The following SRBD1 variants were observed in gnomAD, a reference collection of about 807,000 sequenced individuals.
SRBD1 encodes the protein S1 RNA binding domain 1.
A neutral mutation model predicts 115.3 loss-of-function variants in SRBD1; 88 were observed. The ratio of observed to expected loss-of-function variants is 0.76; its 90% confidence interval spans 0.64 to 0.91. The LOEUF (loss-of-function observed/expected upper bound fraction) is 0.91. Among genes scored for constraint, SRBD1 ranks in the 40% least tolerant of loss-of-function variants. The pLI is 0.00. For synonymous variants in SRBD1, 509 were observed against 407.7 expected (o/e 1.25, Z -2.99); for missense variants, 1,385 against 1,177.4 (o/e 1.18, Z -2.58).
chr2:45,457,513 G>C (rs1191452842), intron 16 of SRBD1, among the ~76,000 whole-genome samples: 1 of 151,876 alleles, frequency 6.6e-6, no homozygotes, highest in Non-Finnish European at 1.5e-5. Context: ...AATTAAGCTA[G>C]AAGTAATCTT....
intron 16 of SRBD1, among the ~76,000 whole-genome samples, chr2:45,434,532 A>G (rs1485460513): frequency 1.3e-5 from 2 of 152,136 alleles, no homozygotes; most frequent in African/African-American, 4.8e-5. Context: ...TCCTACCTCT[A>G]AAAACAGATA....
chr2:45,413,128 A>G lies in SRBD1; in HGVS notation c.2499T>C (p.Tyr833=), dbSNP rs780459835. 2 of 1,613,836 alleles carry G rather than the reference A, an allele frequency of 1.2e-6. No homozygotes were observed. The highest frequency in any genetic ancestry group is 2.2e-5 in the South Asian group (2 of 90,994). Residue 833 remains tyrosine (Y), a synonymous_variant, in exon 19 of 21, where the codon TAT becomes TAC. Coordinates refer to ENST00000263736, the MANE Select transcript of SRBD1 (RefSeq NM_018079.5). Reference sequence around the variant, plus strand: ...CTCAGACTTACCTCATTGCTATGTCATATGATTCTGGATGAATACAAGTTT... The same window carrying G: ...CTCAGACTTACCTCATTGCTATGTCGTATGATTCTGGATGAATACAAGTTT... ...LDQTCIHPES[Y]DIAMRFLSSI... is the part of the protein sequence containing the mutation.
chr2:45,405,764 A>G (rs1256713500), intron 19 of SRBD1, among the ~76,000 whole-genome samples: 2 of 152,226 alleles, frequency 1.3e-5, no homozygotes, highest in African/African-American at 4.8e-5. Context: ...AAAAGAGACG[A>G]CTGGTCATTA....
At chr2:45,395,438 C>A (rs927064113) in intron 19 of SRBD1, among the ~76,000 whole-genome samples, 1 of 152,156 alleles carries the variant, frequency 6.6e-6, no homozygotes, top group African/African-American at 2.4e-5. Context: ...ATAAAGAATT[C>A]TGCCTATAGT....
chr2:45,408,153 A>C (rs1366957053), intron 19 of SRBD1, among the ~76,000 whole-genome samples: 2 of 152,200 alleles, frequency 1.3e-5, no homozygotes, highest in Admixed American at 1.3e-4. Flanking sequence ...ATAGAACTGA[A>C]ATCAAACCAA....
chr2:45,529,170 A>G (rs1572738485), intron 14 of SRBD1, among the ~76,000 whole-genome samples: 1 of 151,932 alleles, frequency 6.6e-6, no homozygotes, highest in Non-Finnish European at 1.5e-5. Context: ...CTTCTATATA[A>G]TGACAAAAAA....
chr2:45,507,551 T>C (rs1670834637), intron 14 of SRBD1, among the ~76,000 whole-genome samples: 1 of 151,476 alleles, frequency 6.6e-6, no homozygotes, highest in African/African-American at 2.4e-5. Flanking sequence ...GAAACCCCAT[T>C]TCTACTAAAA....
At chr2:45,487,981 T>C (rs1670171130) in intron 15 of SRBD1, among the ~76,000 whole-genome samples, 1 of 152,132 alleles carries the variant, frequency 6.6e-6, no homozygotes, top group African/African-American at 2.4e-5. Flanking sequence ...CTCTCTAGCA[T>C]TTAATTTTGC....
At chr2:45,543,474 T>C (rs1450855262) in intron 14 of SRBD1, among the ~76,000 whole-genome samples, 4 of 152,184 alleles carry the variant, frequency 2.6e-5, no homozygotes, top group East Asian at 1.9e-4. Context: ...CTGGTAGATA[T>C]GGCTGGAAAA....
At chr2:45,504,990 C>A (rs918234710) in intron 14 of SRBD1, among the ~76,000 whole-genome samples, 1 of 152,072 alleles carries the variant, frequency 6.6e-6, no homozygotes, top group African/African-American at 2.4e-5. Context: ...ACCTTTACTT[C>A]TACAAAGATC....
At chr2:45,553,578 A>G (rs766275128) in intron 11 of SRBD1, 45 bp downstream of exon 11, 8 of 1,293,728 alleles carry the variant, frequency 6.2e-6, no homozygotes, top group African/African-American at 3.0e-5. Context: ...CTAGTATCAT[A>G]TAACAATAAT....
chr2:45,488,379 G>C (rs777455630), intron 14 of SRBD1, 48 bp from the exon 15 acceptor site: 2 of 1,529,960 alleles, frequency 1.3e-6, no homozygotes, highest in East Asian at 2.3e-5. Flanking sequence ...CTTCCTGCCT[G>C]GTCAAAGAAA....
At chr2:45,415,692 A>AGG (rs1667805402) in intron 18 of SRBD1, among the ~76,000 whole-genome samples, 1 of 6,684 alleles carries the variant, frequency 1.5e-4, no homozygotes, top group Non-Finnish European at 2.5e-4. Context: ...GGGACGGGAG[A>AGG]GGAGAGGAGA....
At chr2:45,503,380 C>A (rs1027592424) in intron 14 of SRBD1, among the ~76,000 whole-genome samples, 2 of 152,080 alleles carry the variant, frequency 1.3e-5, no homozygotes, top group African/African-American at 4.8e-5. Flanking sequence ...CATTGGTCAG[C>A]CCTATGGCTT....
intron 14 of SRBD1, among the ~76,000 whole-genome samples, chr2:45,496,081 A>G (rs1049002138): frequency 6.6e-6 from 1 of 152,196 alleles, no homozygotes; most frequent in African/African-American, 2.4e-5. Context: ...TCAGATACAA[A>G]TCTGAGAGCT....
intron 10 of SRBD1, among the ~76,000 whole-genome samples, chr2:45,559,846 G>A (rs930529710): frequency 1.3e-5 from 2 of 152,126 alleles, no homozygotes; most frequent in African/African-American, 2.4e-5. Context: ...TTTGGGAGGC[G>A]GAAGTTGGTG....
At chr2:45,412,660 G>T (rs560262797) in intron 19 of SRBD1, among the ~76,000 whole-genome samples, 78 of 152,164 alleles carry the variant, frequency 5.1e-4, no homozygotes, top group African/African-American at 1.8e-3. Flanking sequence ...CTTCCCCCAT[G>T]TCATTCTGTT....
At chr2:45,515,076 T>G (rs146970125) in intron 14 of SRBD1, among the ~76,000 whole-genome samples, 225 of 152,236 alleles carry the variant, frequency 1.5e-3, no homozygotes, top group African/African-American at 5.2e-3. Flanking sequence ...TTAATACTGT[T>G]TCAAGCTCAA....
intron 3 of SRBD1, among the ~76,000 whole-genome samples, chr2:45,601,307 G>A (rs1232367023): frequency 2.0e-5 from 3 of 152,126 alleles, no homozygotes; most frequent in African/African-American, 4.8e-5. Flanking sequence ...TAGGCTCCAA[G>A]GAGAACGAAA....
Sources: allele counts gnomAD v4.1 joint callset (sites outside exome capture counted in the v4.1 genomes callset), GRCh38; gene constraint gnomAD v4.1.1; transcripts MANE v1.5; gene names NCBI Gene and HGNC (gene_info 2026-07-23, HGNC 2026-07-21).